Variants in EYS observed in about 807,000 individuals in gnomAD.
EYS encodes EGF-like photoreceptor maintenance factor.
In EYS, 250 loss-of-function variants were observed where a neutral mutation model predicts 282.1. The observed-to-expected ratio is 0.89, with a 90% CI of 0.80 to 0.98. EYS has a LOEUF of 0.98. EYS is among the 50% of genes least tolerant of loss of function. The pLI is 0.00. For missense variants in EYS, 4,016 were observed against 3,709.0 expected (o/e 1.08, Z -2.15); for synonymous variants, 1,355 against 1,282.9 (o/e 1.06, Z -1.20).
intron 35 of EYS, among the ~76,000 whole-genome samples, chr6:63,955,729 C>A (rs1765788140): frequency 6.6e-6 from 1 of 152,076 alleles, no homozygotes; most frequent in Non-Finnish European, 1.5e-5. Context: ...TAAAAAAAAA[C>A]TCAAGGATAC....
intron 5 of EYS, among the ~76,000 whole-genome samples, chr6:65,479,129 T>C (rs1361239151): frequency 6.7e-6 from 1 of 150,238 alleles, no homozygotes; most frequent in African/African-American, 2.4e-5. Flanking sequence ...ATCTAATCTG[T>C]AGAATAGTGA....
intron 26 of EYS, among the ~76,000 whole-genome samples, chr6:64,442,249 T>C (rs1442931298): frequency 1.3e-5 from 2 of 152,162 alleles, no homozygotes; most frequent in African/African-American, 2.4e-5. Context: ...CAGAGAATTG[T>C]AGAACTTTGC....
chr6:65,580,036 C>T (rs1279385176), intron 2 of EYS, among the ~76,000 whole-genome samples: 1 of 152,046 alleles, frequency 6.6e-6, no homozygotes, highest in Non-Finnish European at 1.5e-5. Context: ...TGGCATTTTA[C>T]TAAATAATAT....
intron 14 of EYS, among the ~76,000 whole-genome samples, chr6:64,974,397 C>G (rs537674024): frequency 6.7e-6 from 1 of 148,544 alleles, no homozygotes; most frequent in South Asian, 2.1e-4. Flanking sequence ...ACCTGAGGTG[C>G]TTGTTAAAAA....
intron 15 of EYS, among the ~76,000 whole-genome samples, chr6:64,938,294 A>C (rs2150091308): frequency 6.6e-6 from 1 of 151,702 alleles, no homozygotes; most frequent in East Asian, 1.9e-4. Flanking sequence ...CCAGCAGTCA[A>C]CCATGCTCTA....
At chr6:64,550,389 C>G (rs1263341175) in intron 26 of EYS, among the ~76,000 whole-genome samples, 1 of 152,104 alleles carries the variant, frequency 6.6e-6, no homozygotes, top group Admixed American at 6.5e-5. Context: ...CACATCCTCT[C>G]CAGCACCTGT....
At chr6:64,131,013 G>A (rs537341877) in intron 31 of EYS, among the ~76,000 whole-genome samples, 12 of 152,172 alleles carry the variant, frequency 7.9e-5, no homozygotes, top group South Asian at 4.1e-4. Flanking sequence ...GATTATAGGC[G>A]TGTGCCACCA....
intron 19 of EYS, among the ~76,000 whole-genome samples, chr6:64,853,222 GAAGA>G (rs1765942169): frequency 6.6e-6 from 1 of 152,072 alleles, no homozygotes; most frequent in Admixed American, 6.6e-5. Flanking sequence ...AAATGGGAGA[GAAGA>G]AAGAGAAGTA....
chr6:64,437,796 A>G (rs1289784844), intron 27 of EYS, among the ~76,000 whole-genome samples: 1 of 150,386 alleles, frequency 6.6e-6, no homozygotes, highest in African/African-American at 2.4e-5. Context: ...GGTGCTATAT[A>G]TATATACATA....
chr6:63,859,860 AATT>A (rs1772491524), intron 36 of EYS, among the ~76,000 whole-genome samples: 1 of 152,306 alleles, frequency 6.6e-6, no homozygotes, highest in East Asian at 1.9e-4. Context: ...GAAATGTGAT[AATT>A]ATATTTTCTA....
intron 29 of EYS, among the ~76,000 whole-genome samples, chr6:64,339,250 C>A (rs141359604): frequency 0.031 from 4,726 of 151,854 alleles, 232 homozygotes; most frequent in African/African-American, 0.11. Context: ...GGACTAATAT[C>A]CAGAATCTAC....
intron 30 of EYS, among the ~76,000 whole-genome samples, chr6:64,243,663 A>T (rs997018657): frequency 6.6e-6 from 1 of 152,222 alleles, no homozygotes; most frequent in Non-Finnish European, 1.5e-5. Flanking sequence ...AGTAGAAAAA[A>T]GAGTTGGTGG....
chr6:64,211,977 G>A (rs906215356), intron 31 of EYS, among the ~76,000 whole-genome samples: 5 of 151,854 alleles, frequency 3.3e-5, no homozygotes, highest in East Asian at 3.9e-4. Context: ...TTAGCCGGGC[G>A]TGGTGGCATG....
At chr6:63,848,621 G>T (rs1271885162) in intron 36 of EYS, among the ~76,000 whole-genome samples, 4 of 152,006 alleles carry the variant, frequency 2.6e-5, no homozygotes, top group Non-Finnish European at 4.4e-5. Context: ...GCTGTGAGGG[G>T]CTGTGTCACG....
At chr6:65,409,096 G>C (rs985933515) in intron 5 of EYS, among the ~76,000 whole-genome samples, 5 of 152,074 alleles carry the variant, frequency 3.3e-5, no homozygotes, top group Non-Finnish European at 7.4e-5. Flanking sequence ...TATTCCTTTA[G>C]ATTTATTAAG....
At chr6:64,388,602 T>C (rs951223695) in intron 29 of EYS, 88 bp downstream of exon 29, 22 of 1,271,438 alleles carry the variant, frequency 1.7e-5, no homozygotes, top group Middle Eastern at 2.6e-4. Flanking sequence ...AGAAAATATT[T>C]CTAAAGTTTT....
chr6:64,022,297 T>C (rs1189839790), intron 33 of EYS, among the ~76,000 whole-genome samples: 1 of 152,172 alleles, frequency 6.6e-6, no homozygotes, highest in African/African-American at 2.4e-5. Flanking sequence ...AAATAAGAGG[T>C]GGACACACAA....
intron 8 of EYS, among the ~76,000 whole-genome samples, chr6:65,375,608 T>A (rs1359558797): frequency 6.6e-6 from 1 of 151,748 alleles, no homozygotes; most frequent in African/African-American, 2.4e-5. Flanking sequence ...AAGGAAGCAA[T>A]GCAAGGAAGC....
intron 5 of EYS, among the ~76,000 whole-genome samples, chr6:65,408,616 T>G (rs1455054721): frequency 3.9e-5 from 6 of 152,142 alleles, no homozygotes; most frequent in Non-Finnish European, 1.5e-5. Flanking sequence ...TTCCTTGTAT[T>G]TTTTCCTTGT....
Sources: gnomAD v4.1 joint callset for allele counts (sites outside exome capture counted in the v4.1 genomes callset) on GRCh38, gnomAD v4.1.1 for gene constraint, MANE v1.5 for transcripts, NCBI Gene and HGNC (gene_info 2026-07-23, HGNC 2026-07-21) for gene names.